The following TMEM132C variants were observed in gnomAD, a reference collection of about 807,000 sequenced individuals.
The protein encoded by TMEM132C is protein phosphatase 1, regulatory subunit 152.
TMEM132C carries 29 observed loss-of-function variants against 61.4 expected under a neutral mutation model. The observed-to-expected ratio is 0.47, with a 90% CI of 0.35 to 0.64. The LOEUF (loss-of-function observed/expected upper bound fraction) is 0.64, where lower values mean the gene tolerates loss of function less well. Ranked by LOEUF, TMEM132C falls within the 30% of genes least tolerant of loss-of-function variation. The probability of loss-of-function intolerance (pLI) is 0.00; values close to 1 mark genes in which losing one functional copy is unlikely to be tolerated. For synonymous variants in TMEM132C, 656 were observed against 633.1 expected (o/e 1.04, Z -0.54); for missense variants, 1,408 against 1,476.9 (o/e 0.95, Z 0.76).
intron 4 of TMEM132C, among the ~76,000 whole-genome samples, chr12:128,640,837 G>A (rs1362527667): frequency 6.6e-6 from 1 of 152,198 alleles, no homozygotes; most frequent in African/African-American, 2.4e-5. Flanking sequence ...AGTGAGCCAT[G>A]ATTACAGCAC....
intron 4 of TMEM132C, among the ~76,000 whole-genome samples, chr12:128,633,754 T>C (rs1291246606): frequency 2.0e-5 from 3 of 152,224 alleles, no homozygotes; most frequent in Non-Finnish European, 4.4e-5. Flanking sequence ...ACCAAACAGT[T>C]CTTGGCAAAT....
chr12:128,472,974 T>G (rs1224089437), intron 2 of TMEM132C, among the ~76,000 whole-genome samples: 1 of 152,212 alleles, frequency 6.6e-6, no homozygotes, highest in Non-Finnish European at 1.5e-5. Flanking sequence ...TTGGGGCTTC[T>G]AGCCTCCAGG....
chr12:128,427,925 T>A (rs1439271819), intron 2 of TMEM132C, among the ~76,000 whole-genome samples: 1 of 152,220 alleles, frequency 6.6e-6, no homozygotes, highest in African/African-American at 2.4e-5. Context: ...AAAAGCAGAA[T>A]TTGCTAGAAC....
chr12:128,674,528 G>A (rs1208991265), intron 5 of TMEM132C, among the ~76,000 whole-genome samples: 2 of 152,156 alleles, frequency 1.3e-5, no homozygotes, highest in Non-Finnish European at 2.9e-5. Context: ...TTGAGAAACT[G>A]CCAAACTTTT....
chr12:128,392,856 T>C (rs1315776552), intron 1 of TMEM132C, among the ~76,000 whole-genome samples: 2 of 151,990 alleles, frequency 1.3e-5, no homozygotes, highest in Non-Finnish European at 2.9e-5. Flanking sequence ...TGTCTTGGGC[T>C]GCATTCAAAG....
Position 128,316,877 on chromosome 12 carries a change from T to G in TMEM132C, c.85+49390T>G, listed in dbSNP as rs1348813234. ...TGTGACTCACTCATATTTACATAGT[T>G]ATTTGTTTATTTTTAAATAGTGTAA... On this transcript the variant is annotated intron_variant, in intron 1 of 8. Coordinates refer to ENST00000435159, the MANE Select transcript of TMEM132C (RefSeq NM_001136103.3). 2.0e-5 allele frequency among the ~76,000 whole-genome samples: 3 copies of G among 152,290 alleles called. No homozygotes were observed. The East Asian group carries it at 5.8e-4, about 29-fold the overall frequency.
intron 1 of TMEM132C, among the ~76,000 whole-genome samples, chr12:128,384,388 GA>G (rs1416451727): frequency 3.9e-5 from 6 of 152,310 alleles, no homozygotes; most frequent in African/African-American, 1.4e-4. Context: ...CAGCCTCGAT[GA>G]CAACGGCAGG....
intron 3 of TMEM132C, among the ~76,000 whole-genome samples, 167 bp downstream of exon 3, chr12:128,544,270 C>T (rs1873870427): frequency 6.6e-6 from 1 of 152,244 alleles, no homozygotes. Context: ...GACCCTCTGC[C>T]TCTGCAGCAG....
intron 4 of TMEM132C, among the ~76,000 whole-genome samples, chr12:128,647,442 T>C (rs1954216141): frequency 6.6e-6 from 1 of 150,424 alleles, no homozygotes; most frequent in African/African-American, 2.4e-5. Context: ...CCTATCAGCG[T>C]TGGATGTGAG....
At chr12:128,448,380 C>T (rs1319233321) in intron 2 of TMEM132C, among the ~76,000 whole-genome samples, 1 of 152,200 alleles carries the variant, frequency 6.6e-6, no homozygotes, top group African/African-American at 2.4e-5. Context: ...GCCGGGCTCA[C>T]TCATTTGTCT....
chr12:128,524,164 T>C (rs1873007904), intron 2 of TMEM132C, among the ~76,000 whole-genome samples: 1 of 152,130 alleles, frequency 6.6e-6, no homozygotes, highest in Non-Finnish European at 1.5e-5. Context: ...TGGGATTCTG[T>C]TATTAGAAAG....
chr12:128,595,592 G>T (rs77613442), intron 3 of TMEM132C, among the ~76,000 whole-genome samples: 5 of 152,192 alleles, frequency 3.3e-5, no homozygotes, highest in Non-Finnish European at 5.9e-5. Context: ...AGGAGGCCAC[G>T]GGATTGTAAG....
intron 2 of TMEM132C, among the ~76,000 whole-genome samples, chr12:128,427,307 G>C (rs920000865): frequency 6.6e-6 from 1 of 151,864 alleles, no homozygotes; most frequent in African/African-American, 2.4e-5. Context: ...TGCTGTATCA[G>C]CTCCCATTTC....
At chr12:128,392,657 A>C (rs1418337761) in intron 1 of TMEM132C, among the ~76,000 whole-genome samples, 1 of 152,112 alleles carries the variant, frequency 6.6e-6, no homozygotes, top group Non-Finnish European at 1.5e-5. Context: ...TGATATTCAA[A>C]CTTTCTTATA....
chr12:128,493,735 T>G lies in TMEM132C; in HGVS notation c.975-50222T>G, dbSNP rs538179070. ...ACTTTGCTGAAGTTGCTTATCAGCT[T>G]AAGGAGATTTTGGGCTGAGACGATG... On this transcript the variant is annotated intron_variant, in intron 2 of 8. Coordinates refer to ENST00000435159, the MANE Select transcript of TMEM132C (RefSeq NM_001136103.3). 5.3e-5 allele frequency among the ~76,000 whole-genome samples: 8 copies of G among 152,318 alleles called. No individual in the cohort carries two copies. The South Asian group carries it at 1.7e-3, about 32-fold the overall frequency.
chr12:128,620,114 C>A (rs532268144), intron 4 of TMEM132C, among the ~76,000 whole-genome samples: 1 of 151,756 alleles, frequency 6.6e-6, no homozygotes, highest in South Asian at 2.1e-4. Flanking sequence ...CACCTGTAGA[C>A]CCAGCTCCTA....
intron 1 of TMEM132C, among the ~76,000 whole-genome samples, chr12:128,338,649 C>T (rs991836245): frequency 6.6e-6 from 1 of 151,770 alleles, no homozygotes; most frequent in African/African-American, 2.4e-5. Context: ...CAGCGGGCCC[C>T]CTCCCACTCC....
intron 2 of TMEM132C, among the ~76,000 whole-genome samples, chr12:128,539,862 A>G (rs938689421): frequency 7.2e-5 from 11 of 152,072 alleles, no homozygotes; most frequent in Non-Finnish European, 1.6e-4. Context: ...GTGTGTGTCT[A>G]TTCTCATTCA....
At chr12:128,396,568 A>AAATAAT (rs755884774) in intron 1 of TMEM132C, among the ~76,000 whole-genome samples, 13 of 151,916 alleles carry the variant, frequency 8.6e-5, no homozygotes, top group African/African-American at 2.9e-4. Context: ...ACTTAAAGTA[A>AAATAAT]AATAATAATA....
Sources: gnomAD v4.1 joint callset for allele counts (sites outside exome capture counted in the v4.1 genomes callset) on GRCh38, gnomAD v4.1.1 for gene constraint, MANE v1.5 for transcripts, NCBI Gene and HGNC (gene_info 2026-07-23, HGNC 2026-07-21) for gene names.